Variants in SPRR2G observed in about 807,000 individuals in gnomAD.
The protein encoded by SPRR2G is small proline-rich protein 2G.
A neutral mutation model predicts 0.7 loss-of-function variants in SPRR2G; 1 was observed. The observed-to-expected ratio is 1.49, with a 90% CI of 0.53 to 7.06. The LOEUF is 7.06. Among genes scored for constraint, SPRR2G ranks in the 30% most tolerant of loss-of-function variants. The pLI is 0.14. For missense variants in SPRR2G, 96 were observed against 88.5 expected (o/e 1.09, Z -0.34); for synonymous variants, 38 against 33.9 (o/e 1.12, Z -0.42).
the SPRR2G span, among the ~76,000 whole-genome samples, chr1:153,184,921 T>C: frequency 6.6e-6 from 1 of 152,220 alleles, no homozygotes; most frequent in African/African-American, 2.4e-5. Context: ...TGAAGGGGTG[T>C]TGAATTTTAT....
the SPRR2G span, among the ~76,000 whole-genome samples, chr1:153,166,368 C>A: frequency 6.6e-6 from 1 of 152,170 alleles, no homozygotes; most frequent in African/African-American, 2.4e-5. Context: ...ATGAGCCTCT[C>A]CTACATGGGC....
chr1:153,154,020 A>C (rs149797479), upstream of SPRR2G, among the ~76,000 whole-genome samples: 459 of 152,236 alleles, frequency 3.0e-3, 3 homozygotes, highest in African/African-American at 0.011. Context: ...GAGTGTTTTA[A>C]TCATGAAAAG....
the SPRR2G span, among the ~76,000 whole-genome samples, chr1:153,162,025 G>A: frequency 1.3e-5 from 2 of 152,104 alleles, no homozygotes; most frequent in Non-Finnish European, 2.9e-5. Flanking sequence ...TTTATTTTAA[G>A]TTCAAGGGTA....
the SPRR2G span, among the ~76,000 whole-genome samples, chr1:153,157,625 G>T: frequency 6.6e-6 from 1 of 151,042 alleles, no homozygotes; most frequent in African/African-American, 2.4e-5. Flanking sequence ...TTCCCTGTGG[G>T]TTTTTTTTTG....
At chr1:153,163,039 G>A in the SPRR2G span, among the ~76,000 whole-genome samples, 10 of 152,100 alleles carry the variant, frequency 6.6e-5, no homozygotes, top group East Asian at 1.9e-4. Flanking sequence ...GCTTTTAACC[G>A]TCCATTCAAT....
chr1:153,153,537 T>C (rs925447950), upstream of SPRR2G, among the ~76,000 whole-genome samples: 1 of 152,140 alleles, frequency 6.6e-6, no homozygotes, highest in African/African-American at 2.4e-5. Flanking sequence ...GAGGCTGAAT[T>C]ACCTGGTCCC....
chr1:153,154,822 T>C (rs886781705), upstream of SPRR2G, among the ~76,000 whole-genome samples: 1 of 152,130 alleles, frequency 6.6e-6, no homozygotes, highest in African/African-American at 2.4e-5. Flanking sequence ...CACATCTCAC[T>C]AACCCCTCAA....
At chr1:153,174,062 A>G in the SPRR2G span, among the ~76,000 whole-genome samples, 5 of 152,334 alleles carry the variant, frequency 3.3e-5, no homozygotes, top group Non-Finnish European at 7.3e-5. Context: ...TGTTATAGGG[A>G]CATACATTTC....
chr1:153,186,219 G>A, the SPRR2G span, among the ~76,000 whole-genome samples: 1 of 152,200 alleles, frequency 6.6e-6, no homozygotes, highest in Non-Finnish European at 1.5e-5. Flanking sequence ...TTCTGTAGAT[G>A]TCTATTAGGT....
At chr1:153,151,573 C>T (rs577987183), upstream of SPRR2G, among the ~76,000 whole-genome samples, 1 of 152,304 alleles carries the variant, frequency 6.6e-6, no homozygotes, top group Admixed American at 6.5e-5. Flanking sequence ...ACACTAACCT[C>T]ATCTCTGTGG....
At chr1:153,180,660 T>C in the SPRR2G span, among the ~76,000 whole-genome samples, 1,920 of 152,302 alleles carry the variant, frequency 0.013, 52 homozygotes, top group African/African-American at 0.044. Context: ...GGTCAGAGGA[T>C]AGGGATATGC....
chr1:153,173,636 G>T, the SPRR2G span, among the ~76,000 whole-genome samples: 4 of 152,150 alleles, frequency 2.6e-5, no homozygotes, highest in Non-Finnish European at 2.9e-5. Context: ...TATTTCCTTG[G>T]TTGGACTGAA....
chr1:153,179,334 A>C, the SPRR2G span, among the ~76,000 whole-genome samples: 2 of 152,194 alleles, frequency 1.3e-5, no homozygotes, highest in Admixed American at 6.6e-5. Context: ...CATGCAGCCA[A>C]GCTGACACGT....
At chr1:153,160,104 T>C in the SPRR2G span, among the ~76,000 whole-genome samples, 14 of 152,258 alleles carry the variant, frequency 9.2e-5, no homozygotes, top group African/African-American at 3.4e-4. Flanking sequence ...TTCTTTTCTC[T>C]GCTTCCATAG....
the SPRR2G span, among the ~76,000 whole-genome samples, chr1:153,163,198 G>A: frequency 1.3e-5 from 2 of 152,146 alleles, no homozygotes; most frequent in African/African-American, 2.4e-5. Flanking sequence ...AGTGGCACTC[G>A]AAAAGAAGCA....
chr1:153,157,675 T>TTTGGG, the SPRR2G span, among the ~76,000 whole-genome samples: 3 of 151,944 alleles, frequency 2.0e-5, no homozygotes, highest in African/African-American at 7.3e-5. Flanking sequence ...TTTGGTTTGG[T>TTTGGG]TTGGGTTGGG....
At chr1:153,182,036 C>A in the SPRR2G span, among the ~76,000 whole-genome samples, 1 of 152,080 alleles carries the variant, frequency 6.6e-6, no homozygotes, top group Non-Finnish European at 1.5e-5. Context: ...TGCATACCCA[C>A]CAATGGTGTA....
At chr1:153,157,509 T>C in the SPRR2G span, among the ~76,000 whole-genome samples, 4 of 152,156 alleles carry the variant, frequency 2.6e-5, no homozygotes, top group African/African-American at 9.7e-5. Flanking sequence ...ATATAAAAAC[T>C]CATGCACATT....
chr1:153,149,766 G>T lies in SPRR2G; in HGVS notation c.*123C>A. ...AAGCCTTTTCTCTGTCAACGCTCAA[G>T]CCAGACAGAGGTTAGGGAAGATGCA... is the stretch of plus-strand genomic sequence containing the variant. On this transcript the variant is annotated 3_prime_UTR_variant, in exon 2 of 2. Transcript: ENST00000368748. The T allele has an allele frequency of 7.9e-7, 1 of 1,269,096 alleles. No homozygotes were observed. Among genetic ancestry groups the T allele is most frequent in the Non-Finnish European group, 1.1e-6 (1 of 890,694 alleles). The allele number at this position is 1,269,096 out of a possible 1,614,324, so 78.6% of individuals were successfully genotyped here. A position where few individuals can be genotyped will look rare whatever the true frequency, so the allele number is the denominator to read the frequency against.
Sources: allele counts gnomAD v4.1 joint callset (sites outside exome capture counted in the v4.1 genomes callset), GRCh38; gene constraint gnomAD v4.1.1; transcripts MANE v1.5; gene names NCBI Gene and HGNC (gene_info 2026-07-23, HGNC 2026-07-21).